LRRIQ3: variants seen among roughly 807,000 people sequenced by gnomAD.
LRRIQ3 encodes leucine rich repeats and IQ motif containing 3.
In LRRIQ3, 75 loss-of-function variants were observed where a neutral mutation model predicts 59.3. The ratio of observed to expected loss-of-function variants is 1.26; its 90% CI spans 1.05 to 1.53. LRRIQ3 has a LOEUF of 1.53. Among genes scored for constraint, LRRIQ3 ranks in the 40% most tolerant of loss-of-function variants. The pLI is 0.00. For synonymous variants in LRRIQ3, 250 were observed against 231.3 expected, an observed-to-expected ratio of 1.08 and a Z score of -0.73; for missense variants, 831 against 710.0, an observed-to-expected ratio of 1.17 and a Z score of -1.94.
At chr1:74,040,513 TA>T (rs1654012219) in intron 7 of LRRIQ3, among the ~76,000 whole-genome samples, 1 of 152,216 alleles carries the variant, frequency 6.6e-6, no homozygotes, top group African/African-American at 2.4e-5. Flanking sequence ...ACATGGCACT[TA>T]TTCTAAAATT....
intron 5 of LRRIQ3, among the ~76,000 whole-genome samples, chr1:74,079,357 C>T (rs115745782): frequency 8.8e-4 from 134 of 151,756 alleles, no homozygotes; most frequent in Non-Finnish European, 1.4e-3. Context: ...CTATTGCATG[C>T]CTCAGGTCCT....
chr1:74,062,339 A>G (rs1236904138), intron 6 of LRRIQ3, among the ~76,000 whole-genome samples: 1 of 152,160 alleles, frequency 6.6e-6, no homozygotes. Flanking sequence ...TAATGCAAAT[A>G]AAAACCACAG....
chr1:74,182,474 C>T (rs1650039264), intron 3 of LRRIQ3, 64 bp downstream of exon 3: 1 of 1,028,704 alleles, frequency 9.7e-7, no homozygotes, highest in African/African-American at 1.6e-5. Context: ...AGATATAGAA[C>T]TCAGAAGCTA....
intron 5 of LRRIQ3, among the ~76,000 whole-genome samples, chr1:74,100,925 C>T (rs1372956447): frequency 6.6e-6 from 1 of 152,134 alleles, no homozygotes; most frequent in Non-Finnish European, 1.5e-5. Context: ...GGATTAAAGA[C>T]TTAAATGTTA....
intron 3 of LRRIQ3, among the ~76,000 whole-genome samples, chr1:74,167,486 T>C (rs928266265): frequency 1.3e-5 from 2 of 151,382 alleles, no homozygotes; most frequent in Admixed American, 6.6e-5. Flanking sequence ...GTAACAAACC[T>C]GCACATCCTG....
In LRRIQ3 at chr1:74,046,752, G is replaced by GA. The variant is rs372129749; in HGVS notation, c.998-4820dup. On this transcript the variant is annotated intron_variant, in intron 6 of 7. Coordinates refer to ENST00000354431, the MANE Select transcript of LRRIQ3 (RefSeq NM_001105659.2). ...ACAAAGAGCTTAAACAGATTTACAA[G>GA]AAAAAAAACAAACAAACCCATCAAA... 6.6e-3 allele frequency among the ~76,000 whole-genome samples: 1,007 copies of GA among 151,522 alleles called. 11 individuals are homozygous for GA. Among genetic ancestry groups the GA allele is most frequent in the African/African-American group, 0.023 (938 of 41,352 alleles).
intron 4 of LRRIQ3, chr1:74,138,352 A>C (rs1272553545): frequency 3.4e-6 from 1 of 293,098 alleles, no homozygotes; most frequent in Admixed American, 6.5e-5. Flanking sequence ...CAAAAAGTCT[A>C]TTTTCAGCTA....
chr1:74,090,759 G>A (rs1646386515), intron 5 of LRRIQ3, among the ~76,000 whole-genome samples: 1 of 151,664 alleles, frequency 6.6e-6, no homozygotes, highest in South Asian at 2.1e-4. Context: ...CTGGGTGTGG[G>A]AGTGTGTGCC....
chr1:74,080,717 A>C (rs1221152505), intron 5 of LRRIQ3, among the ~76,000 whole-genome samples: 1 of 151,692 alleles, frequency 6.6e-6, no homozygotes, highest in Non-Finnish European at 1.5e-5. Context: ...TTATACTAAA[A>C]CTCAAACAAA....
At position 74,109,458 on chromosome 1, in the gene LRRIQ3, A is replaced by T. The variant is rs1305221185; in HGVS notation, c.803T>A (p.Leu268His). 1.3e-6 allele frequency: 2 copies of T among 1,577,042 alleles called. No individual in the cohort carries two copies. ...AGGTTTGAAAAAGAGATCCTTAAGG[A>T]GCTTATCTTCATACCCTTTGGTTAT... ...IYITKGYEDK[L>H]LKDLFFKPET... is the part of the protein sequence containing the mutation. The change falls in exon 5 of 8, where the codon CTC becomes CAC. Residue 268 changes from leucine (L) to histidine (H), a missense_variant. By Grantham distance (99) the Leu-to-His change is moderately conservative. Coordinates refer to ENST00000354431, the MANE Select transcript of LRRIQ3 (RefSeq NM_001105659.2).
chr1:74,136,796 T>C (rs992135885), intron 4 of LRRIQ3, among the ~76,000 whole-genome samples: 40 of 151,962 alleles, frequency 2.6e-4, no homozygotes, highest in Non-Finnish European at 5.9e-5. Context: ...CTCTTCACTA[T>C]CATTCAGTAG....
intron 3 of LRRIQ3, among the ~76,000 whole-genome samples, chr1:74,179,139 C>A (rs1041325790): frequency 6.6e-6 from 1 of 152,038 alleles, no homozygotes; most frequent in Non-Finnish European, 1.5e-5. Context: ...TCACTCTGAT[C>A]TTTAAAAAGT....
At chr1:74,153,884 A>T (rs1272616651) in intron 4 of LRRIQ3, among the ~76,000 whole-genome samples, 2 of 152,186 alleles carry the variant, frequency 1.3e-5, no homozygotes, top group African/African-American at 2.4e-5. Context: ...CAAGAAATCC[A>T]AGGAAAATTT....
intron 3 of LRRIQ3, among the ~76,000 whole-genome samples, chr1:74,170,771 A>T (rs1482759995): frequency 6.6e-6 from 1 of 152,140 alleles, no homozygotes; most frequent in African/African-American, 2.4e-5. Context: ...GGTGGGATAG[A>T]CATTTTAACA....
intron 6 of LRRIQ3, among the ~76,000 whole-genome samples, chr1:74,063,145 C>CAAA (rs1159421390): frequency 4.0e-5 from 6 of 149,882 alleles, no homozygotes; most frequent in East Asian, 4.0e-4. Context: ...ACAACAACAA[C>CAAA]AACAACAAAA....
At chr1:74,073,859 C>T (rs1007967072) in intron 6 of LRRIQ3, among the ~76,000 whole-genome samples, 4 of 152,022 alleles carry the variant, frequency 2.6e-5, no homozygotes, top group African/African-American at 9.7e-5. Context: ...TATGATTCTT[C>T]TGTGAAAGAT....
chr1:74,188,066 C>T (rs1650524316), intron 1 of LRRIQ3, among the ~76,000 whole-genome samples: 1 of 152,132 alleles, frequency 6.6e-6, no homozygotes, highest in Non-Finnish European at 1.5e-5. Context: ...GGTACATTTA[C>T]ACCATGGAAT....
At chr1:74,125,047 A>T (rs1646915825) in intron 4 of LRRIQ3, among the ~76,000 whole-genome samples, 1 of 151,742 alleles carries the variant, frequency 6.6e-6, no homozygotes, top group South Asian at 2.1e-4. Context: ...CAATGTTTTA[A>T]GTTTTCATTG....
At chr1:74,063,063 G>A (rs1195285348) in intron 6 of LRRIQ3, among the ~76,000 whole-genome samples, 5 of 149,744 alleles carry the variant, frequency 3.3e-5, no homozygotes, top group Admixed American at 1.3e-4. Flanking sequence ...CACTACCAAA[G>A]CAAAACAAAA....
Sources: allele counts gnomAD v4.1 joint callset (sites outside exome capture counted in the v4.1 genomes callset), GRCh38; gene constraint gnomAD v4.1.1; transcripts MANE v1.5; gene names NCBI Gene and HGNC (gene_info 2026-07-23, HGNC 2026-07-21).